Variants in CADPS observed in about 807,000 individuals in gnomAD.
CADPS encodes the protein calcium dependent secretion activator.
In CADPS, 57 loss-of-function variants were observed where a neutral mutation model predicts 167.3. The observed-to-expected ratio is 0.34, with a 90% CI of 0.28 to 0.42. The LOEUF (loss-of-function observed/expected upper bound fraction) is 0.42. Among genes scored for constraint, CADPS ranks in the 20% least tolerant of loss-of-function variants. The pLI is 1.00. For missense variants in CADPS, 1,414 were observed against 1,738.1 expected, an observed-to-expected ratio of 0.81 and a Z score of 3.32; for synonymous variants, 676 against 635.3, an observed-to-expected ratio of 1.06 and a Z score of -0.96.
chr3:62,855,091 A>ATTTTTTTTTTTCTT (rs2079406460), intron 1 of CADPS, among the ~76,000 whole-genome samples: 1 of 92,702 alleles, frequency 1.1e-5, no homozygotes, highest in Non-Finnish European at 2.2e-5. Context: ...TGCCCGGCTA[A>ATTTTTTTTTTTCTT]TTTTTTTTTT....
At chr3:62,862,217 G>GT (rs34987223) in intron 1 of CADPS, among the ~76,000 whole-genome samples, 2,625 of 131,810 alleles carry the variant, frequency 0.02, 42 homozygotes, top group South Asian at 0.041. Context: ...GAAAACAGTG[G>GT]TTTTTTTTTT....
At chr3:62,537,121 G>C (rs2074841890) in intron 11 of CADPS, among the ~76,000 whole-genome samples, 1 of 152,014 alleles carries the variant, frequency 6.6e-6, no homozygotes, top group South Asian at 2.1e-4. Context: ...TCCCCACCCT[G>C]CAAAATTAAA....
chr3:62,701,458 G>T (rs532211111), intron 3 of CADPS, among the ~76,000 whole-genome samples: 1 of 150,450 alleles, frequency 6.6e-6, no homozygotes, highest in African/African-American at 2.4e-5. Context: ...AAGCCCAAGG[G>T]CAAAGTGATG....
At chr3:62,505,622 G>A (rs1052919413) in intron 17 of CADPS, among the ~76,000 whole-genome samples, 1 of 152,182 alleles carries the variant, frequency 6.6e-6, no homozygotes, top group African/African-American at 2.4e-5. Flanking sequence ...GCACACATCT[G>A]AACTTGTCAT....
rs2083271890 is a variant in CADPS, at chr3:62,753,896, C to T, written c.556-123G>A. ...TCCCAGGAGGAACCACTGTGGGTCT[C>T]ACCCTGCCCCACCACCTCCTGGCTG... On this transcript the variant is annotated intron_variant, in intron 2 of 29. Transcript: ENST00000383710. The surrounding 1 kb of genome is among the most constrained non-coding windows in gnomAD (Gnocchi z 4.6). 2.5e-6 allele frequency: 2 copies of T among 802,302 alleles called. No individual in the cohort carries two copies. Among genetic ancestry groups the T allele is most frequent in the Non-Finnish European group, 3.9e-6 (2 of 510,376 alleles). The allele number at this position is 802,302 out of a possible 1,614,324, so 49.7% of individuals were successfully genotyped here.
At chr3:62,843,193 C>A (rs767481379) in intron 1 of CADPS, among the ~76,000 whole-genome samples, 14 of 151,846 alleles carry the variant, frequency 9.2e-5, no homozygotes, top group Non-Finnish European at 2.9e-5. Context: ...AGTTTAAAGT[C>A]AAAATGAAAT....
chr3:62,871,928 G>A (rs1221802481), intron 1 of CADPS, among the ~76,000 whole-genome samples: 1 of 152,106 alleles, frequency 6.6e-6, no homozygotes, highest in Non-Finnish European at 1.5e-5. Context: ...TTCAAAAAAT[G>A]ATCTATGTGC....
chr3:62,868,480 C>T (rs576261093), intron 1 of CADPS, among the ~76,000 whole-genome samples: 1 of 152,148 alleles, frequency 6.6e-6, no homozygotes, highest in African/African-American at 2.4e-5. Context: ...TCATATCTTC[C>T]ACTTGTAAGA....
chr3:62,482,922 A>C (rs756778969), intron 21 of CADPS, among the ~76,000 whole-genome samples: 6 of 152,214 alleles, frequency 3.9e-5, no homozygotes, highest in Non-Finnish European at 8.8e-5. Flanking sequence ...GTGATGGAAG[A>C]GAGATGGATG....
At chr3:62,797,842 A>T (rs538291717) in intron 1 of CADPS, among the ~76,000 whole-genome samples, 1 of 152,214 alleles carries the variant, frequency 6.6e-6, no homozygotes, top group Non-Finnish European at 1.5e-5. Context: ...AAAGAAAAAT[A>T]AAAGGTTTCC....
chr3:62,573,106 T>A (rs1423136086), intron 8 of CADPS, among the ~76,000 whole-genome samples: 4 of 152,312 alleles, frequency 2.6e-5, no homozygotes, highest in Middle Eastern at 3.4e-3. Context: ...GGTCTCGAAC[T>A]CTTGACCTCA....
At chr3:62,805,486 T>G (rs2094034479) in intron 1 of CADPS, among the ~76,000 whole-genome samples, 1 of 152,218 alleles carries the variant, frequency 6.6e-6, no homozygotes, top group Admixed American at 6.5e-5. Context: ...GAAACTACTA[T>G]GCTATTACGT....
At chr3:62,609,319 T>C (rs533827341) in intron 6 of CADPS, among the ~76,000 whole-genome samples, 20 of 152,296 alleles carry the variant, frequency 1.3e-4, no homozygotes, top group Admixed American at 1.2e-3. Flanking sequence ...ATTCACGGTA[T>C]ACAGTTAAGT....
At chr3:62,441,324 T>G (rs1352468781) in intron 27 of CADPS, among the ~76,000 whole-genome samples, 1 of 152,218 alleles carries the variant, frequency 6.6e-6, no homozygotes, top group East Asian at 1.9e-4. Flanking sequence ...AGACATAATT[T>G]GTGAATAAGC....
chr3:62,417,899 A>G (rs553358341), intron 28 of CADPS, among the ~76,000 whole-genome samples: 1 of 152,174 alleles, frequency 6.6e-6, no homozygotes, highest in East Asian at 1.9e-4. Context: ...GAACAATGAC[A>G]TGTGCCTATA....
At chr3:62,566,303 T>A (rs1015964475) in intron 9 of CADPS, among the ~76,000 whole-genome samples, 1 of 152,188 alleles carries the variant, frequency 6.6e-6, no homozygotes, top group Non-Finnish European at 1.5e-5. Flanking sequence ...GCATTTTGAG[T>A]TTCAAAGTAA....
chr3:62,588,053 C>G (rs777264827), intron 7 of CADPS, among the ~76,000 whole-genome samples: 1 of 152,116 alleles, frequency 6.6e-6, no homozygotes, highest in Non-Finnish European at 1.5e-5. Flanking sequence ...CTGATGTGGC[C>G]GCCACGACCC....
chr3:62,863,089 C>T (rs2081098991), intron 1 of CADPS, among the ~76,000 whole-genome samples: 1 of 152,154 alleles, frequency 6.6e-6, no homozygotes, highest in Non-Finnish European at 1.5e-5. Flanking sequence ...TATTGAACAC[C>T]TATTATATAT....
At chr3:62,662,257 G>A (rs1474182831) in intron 4 of CADPS, 57 bp downstream of exon 4, 1 of 1,385,782 alleles carries the variant, frequency 7.2e-7, no homozygotes, top group African/African-American at 1.4e-5. Context: ...TAATCAATGT[G>A]CTTCCTGAGT....
Sources: gnomAD v4.1 joint callset for allele counts (sites outside exome capture counted in the v4.1 genomes callset) on GRCh38, gnomAD v4.1.1 for gene constraint, Gnocchi (gnomAD v3.1) non-coding constraint, MANE v1.5 for transcripts, NCBI Gene and HGNC (gene_info 2026-07-23, HGNC 2026-07-21) for gene names.